The following CRISPLD2 variants were observed in gnomAD, a reference collection of about 807,000 sequenced individuals.
CRISPLD2 encodes the protein cysteine-rich secretory protein LCCL domain-containing 2.
In CRISPLD2, 47 loss-of-function variants were observed where a neutral mutation model predicts 71.1. That is an observed-to-expected ratio of 0.66 (90% confidence interval 0.52 to 0.84). The LOEUF is 0.84. Among genes scored for constraint, CRISPLD2 ranks in the 40% least tolerant of loss-of-function variants. CRISPLD2 has a pLI of 0.00. For synonymous variants in CRISPLD2, 317 were observed against 250.1 expected, an observed-to-expected ratio of 1.27 and a Z score of -2.52; for missense variants, 830 against 651.1, an observed-to-expected ratio of 1.27 and a Z score of -2.99.
intron 14 of CRISPLD2, among the ~76,000 whole-genome samples, chr16:84,904,247 A>T (rs947970629): frequency 6.6e-6 from 1 of 152,180 alleles, no homozygotes; most frequent in Non-Finnish European, 1.5e-5. Context: ...AGCGACAGTG[A>T]TCAAGATGGT....
intron 11 of CRISPLD2, among the ~76,000 whole-genome samples, chr16:84,874,618 C>A (rs2071502572): frequency 1.3e-5 from 2 of 152,174 alleles, no homozygotes; most frequent in Non-Finnish European, 2.9e-5. Context: ...GCAGACCATG[C>A]CTTTGTTTTG....
intron 6 of CRISPLD2, among the ~76,000 whole-genome samples, chr16:84,862,038 C>T (rs941322643): frequency 2.6e-5 from 4 of 152,208 alleles, no homozygotes; most frequent in Non-Finnish European, 5.9e-5. Context: ...TGGGTAGGAT[C>T]AGTCCTCCCG....
chr16:84,887,547 T>TA (rs2071623910), intron 13 of CRISPLD2, among the ~76,000 whole-genome samples: 1 of 152,162 alleles, frequency 6.6e-6, no homozygotes, highest in Admixed American at 6.5e-5. Flanking sequence ...TCCAGACACT[T>TA]ATGGTGTCAT....
chr16:84,841,127 T>C (rs2143183218), intron 2 of CRISPLD2, among the ~76,000 whole-genome samples: 1 of 152,246 alleles, frequency 6.6e-6, no homozygotes, highest in East Asian at 1.9e-4. Context: ...CAGAGTTAGA[T>C]GAAGAAATAC....
chr16:84,873,884 C>T (rs145397391), intron 10 of CRISPLD2, 36 bp from the exon 11 acceptor site: 4 of 1,536,820 alleles, frequency 2.6e-6, no homozygotes, highest in Middle Eastern at 3.5e-4. Context: ...TTGCATTTAC[C>T]TAATGCCCGT....
At chr16:84,858,264 C>T (rs1567690339) in intron 6 of CRISPLD2, among the ~76,000 whole-genome samples, 1 of 152,204 alleles carries the variant, frequency 6.6e-6, no homozygotes. Context: ...GCAGAGCCTT[C>T]TCCTGTTCTG....
chr16:84,858,783 C>T (rs553837150), intron 6 of CRISPLD2, among the ~76,000 whole-genome samples: 43 of 152,294 alleles, frequency 2.8e-4, no homozygotes, highest in East Asian at 1.9e-3. Flanking sequence ...GTGGGTCTTA[C>T]GGACGTGAAT....
At chr16:84,898,987 G>T (rs1489123459) in intron 14 of CRISPLD2, among the ~76,000 whole-genome samples, 3 of 152,092 alleles carry the variant, frequency 2.0e-5, no homozygotes, top group Admixed American at 6.6e-5. Flanking sequence ...TGCACTCCTG[G>T]ACTCAAGCAA....
chr16:84,886,115 C>T (rs1350549017), intron 13 of CRISPLD2, among the ~76,000 whole-genome samples: 1 of 152,114 alleles, frequency 6.6e-6, no homozygotes, highest in African/African-American at 2.4e-5. Context: ...ATCTCAAACT[C>T]CTGTCCTCAG....
At chr16:84,858,321 C>T (rs1215219395) in intron 6 of CRISPLD2, among the ~76,000 whole-genome samples, 1 of 152,172 alleles carries the variant, frequency 6.6e-6, no homozygotes, top group Non-Finnish European at 1.5e-5. Flanking sequence ...GATAAATGAG[C>T]CAGAGTAACG....
At chr16:84,841,486 C>A (rs1210735229) in intron 2 of CRISPLD2, among the ~76,000 whole-genome samples, 1 of 151,736 alleles carries the variant, frequency 6.6e-6, no homozygotes, top group Non-Finnish European at 1.5e-5. Flanking sequence ...AGGTGAGGAG[C>A]CTGCCTTTTT....
At chr16:84,866,628 C>T (rs368735665) in intron 6 of CRISPLD2, among the ~76,000 whole-genome samples, 12 of 152,048 alleles carry the variant, frequency 7.9e-5, no homozygotes, top group Admixed American at 1.3e-4. Flanking sequence ...CAGGTGTGGG[C>T]GTGGGGCCTG....
At chr16:84,873,736 C>CA (rs1421026681) in intron 10 of CRISPLD2, among the ~76,000 whole-genome samples, 184 bp from the exon 11 acceptor site, 1 of 151,834 alleles carries the variant, frequency 6.6e-6, no homozygotes, top group Non-Finnish European at 1.5e-5. Flanking sequence ...GTCCTTGGTA[C>CA]AAAAAAAGTT....
At position 84,845,861 on chromosome 16, in the gene CRISPLD2, C is replaced by G. The variant is rs930896733; in HGVS notation, c.316C>G (p.Leu106Val). Residue 106 changes from leucine to valine, a missense_variant, in exon 3 of 15, where the codon CTG (leucine) becomes GTG (valine). Transcript: ENST00000262424. ...QCIWEHGPTS[L>V]LVSIGQNLGA... ...CATCTGGGAGCACGGGCCCACCAGT[C>G]TGCTGGTGTCCATCGGGCAGAACCT... 4 of 1,613,992 alleles carry G rather than the reference C, an allele frequency of 2.5e-6. No homozygotes were observed. In the African/African-American group the frequency reaches 4.0e-5, roughly 16 times the overall value.
At chr16:84,883,525 G>C (rs991389988) in intron 13 of CRISPLD2, among the ~76,000 whole-genome samples, 3 of 152,274 alleles carry the variant, frequency 2.0e-5, no homozygotes, top group Non-Finnish European at 4.4e-5. Flanking sequence ...GCTTGGATAC[G>C]TTCTCACACT....
intron 3 of CRISPLD2, chr16:84,846,178 C>T (rs1916909197): frequency 6.6e-6 from 2 of 305,018 alleles, no homozygotes; most frequent in Non-Finnish European, 1.2e-5. Context: ...TCCTTTCCTT[C>T]TTCCTTTCCT....
In CRISPLD2 at chr16:84,906,593, G is replaced by T; in HGVS notation, c.1445G>T (p.Gly482Val). The T allele has an allele frequency of 6.2e-7, 1 of 1,612,902 alleles. No individual in the cohort carries two copies. The highest frequency in any genetic ancestry group is 8.5e-7 in the Non-Finnish European group (1 of 1,180,016). Residue 482 changes from glycine (G) to valine (V), a missense_variant, in exon 15 of 15, where the codon GGG (glycine) becomes GTG (valine). Coordinates refer to ENST00000262424, the MANE Select transcript of CRISPLD2 (RefSeq NM_031476.4). ...LRNGVQSESL[G>V]TPRDGKAFRI... Reference sequence around the variant, plus strand: ...CTCTTTCTTCTTTTTTTCAGCCTGGGGACTCCTCGGGATGGAAAGGCCTTC... The same window carrying T: ...CTCTTTCTTCTTTTTTTCAGCCTGGTGACTCCTCGGGATGGAAAGGCCTTC...
intron 14 of CRISPLD2, among the ~76,000 whole-genome samples, chr16:84,902,579 C>T (rs1316100307): frequency 3.3e-5 from 5 of 150,932 alleles, no homozygotes; most frequent in Non-Finnish European, 5.9e-5. Flanking sequence ...CACTGCACTA[C>T]AGCCTGGGTG....
At chr16:84,901,941 C>G (rs1467267664) in intron 14 of CRISPLD2, among the ~76,000 whole-genome samples, 1 of 151,630 alleles carries the variant, frequency 6.6e-6, no homozygotes, top group Non-Finnish European at 1.5e-5. Flanking sequence ...TTACAGGCAC[C>G]TGCTACCACA....
Sources: gnomAD v4.1 joint callset for allele counts (sites outside exome capture counted in the v4.1 genomes callset) on GRCh38, gnomAD v4.1.1 for gene constraint, MANE v1.5 for transcripts, NCBI Gene and HGNC (gene_info 2026-07-23, HGNC 2026-07-21) for gene names.